Variants in FIG4 observed in about 807,000 individuals in gnomAD.
FIG4 encodes FIG4 phosphoinositide 5-phosphatase.
FIG4 carries 112 observed loss-of-function variants against 118.6 expected under a neutral mutation model. The observed-to-expected ratio is 0.94, with a 90% CI of 0.81 to 1.11. FIG4 has a LOEUF of 1.11. Ranked by LOEUF, FIG4 falls within the 50% of genes least tolerant of loss-of-function variation. FIG4 has a pLI of 0.00. For missense variants in FIG4, 969 were observed against 1,111.7 expected (o/e 0.87, Z 1.83); for synonymous variants, 369 against 381.2 (o/e 0.97, Z 0.37).
At chr6:109,784,167 A>T (rs1445785347) in intron 16 of FIG4, among the ~76,000 whole-genome samples, 2 of 152,142 alleles carry the variant, frequency 1.3e-5, no homozygotes, top group Non-Finnish European at 2.9e-5. Context: ...ATTTTTAAAA[A>T]ATTCTTCTCC....
At chr6:109,816,457 T>C (rs1210980377) in intron 22 of FIG4, among the ~76,000 whole-genome samples, 3 of 152,210 alleles carry the variant, frequency 2.0e-5, no homozygotes, top group African/African-American at 7.2e-5. Context: ...AATGGGATCC[T>C]GGGACAGTAA....
At chr6:109,801,336 T>C (rs909696404) in intron 22 of FIG4, among the ~76,000 whole-genome samples, 1 of 151,756 alleles carries the variant, frequency 6.6e-6, no homozygotes, top group East Asian at 1.9e-4. Context: ...TCACCTGAGG[T>C]TAGAAGTTCG....
At chr6:109,707,440 CATAT>C (rs964455745) in intron 1 of FIG4, among the ~76,000 whole-genome samples, 1 of 147,748 alleles carries the variant, frequency 6.8e-6, no homozygotes, top group Non-Finnish European at 1.5e-5. Flanking sequence ...CATATATATA[CATAT>C]ATATACACAT....
At chr6:109,707,121 GT>G (rs1775092443) in intron 1 of FIG4, among the ~76,000 whole-genome samples, 1 of 151,864 alleles carries the variant, frequency 6.6e-6, no homozygotes, top group East Asian at 1.9e-4. Flanking sequence ...ATAACTCATA[GT>G]GTCATCTAGA....
chr6:109,763,285 G>A (rs182105756), intron 12 of FIG4, among the ~76,000 whole-genome samples: 3 of 152,348 alleles, frequency 2.0e-5, no homozygotes, highest in Non-Finnish European at 4.4e-5. Context: ...CCAGACATTG[G>A]CCAAGGGCCA....
At chr6:109,759,592 A>G (rs567788664) in intron 10 of FIG4, among the ~76,000 whole-genome samples, 2 of 152,240 alleles carry the variant, frequency 1.3e-5, no homozygotes, top group East Asian at 3.9e-4. Context: ...CATTCCAACC[A>G]CAGAACTGTA....
intron 15 of FIG4, among the ~76,000 whole-genome samples, chr6:109,774,513 A>G (rs1308504430): frequency 6.6e-6 from 1 of 152,054 alleles, no homozygotes; most frequent in Non-Finnish European, 1.5e-5. Context: ...TAGGGCTTAA[A>G]ATATCTATCT....
At position 109,711,984 on chromosome 6, in the gene FIG4, T is replaced by A. The variant is rs551137513; in HGVS notation, c.67-3094T>A. On this transcript the variant is annotated intron_variant, in intron 1 of 22. Coordinates refer to ENST00000230124, the MANE Select transcript of FIG4 (RefSeq NM_014845.6). ...AACAAATTCCCACAGCATGTTTGTC[T>A]GAAAAGGATGTATTTCTCCTTTGCT... is the stretch of plus-strand genomic sequence containing the variant. 2.0e-5 allele frequency among the ~76,000 whole-genome samples: 3 copies of A among 152,352 alleles called. No individual in the cohort carries two copies. In the East Asian group the frequency reaches 5.8e-4, roughly 29 times the overall value.
intron 16 of FIG4, among the ~76,000 whole-genome samples, 185 bp from the exon 17 acceptor site, chr6:109,784,785 G>A (rs755493817): frequency 1.1e-4 from 16 of 152,186 alleles, no homozygotes; most frequent in Non-Finnish European, 2.1e-4. Context: ...AAGCAGTTGG[G>A]AAGGGAATTA....
chr6:109,740,057 T>C (rs887419222), intron 7 of FIG4, among the ~76,000 whole-genome samples: 1 of 152,186 alleles, frequency 6.6e-6, no homozygotes, highest in African/African-American at 2.4e-5. Context: ...TGATCATTAC[T>C]GCATAAAGAG....
At position 109,716,434 on chromosome 6, in the gene FIG4, C is replaced by A. The variant is rs200978101; in HGVS notation, c.166-11C>A. 1.9e-6 allele frequency: 3 copies of A among 1,612,876 alleles called. No individual in the cohort carries two copies. The highest frequency in any genetic ancestry group is 3.3e-5 in the Admixed American group (2 of 59,988). On this transcript the variant is annotated splice_polypyrimidine_tract_variant and intron_variant, in intron 2 of 22. Coordinates refer to ENST00000230124, the MANE Select transcript of FIG4 (RefSeq NM_014845.6). ...AGCACAACCTTACAGAGTAAATGTG[C>A]TTATTCTTAGCATGTCTATACTCAA...
chr6:109,751,886 G>A (rs1220064034), intron 10 of FIG4, among the ~76,000 whole-genome samples: 1 of 144,372 alleles, frequency 6.9e-6, no homozygotes, highest in Non-Finnish European at 1.5e-5. Flanking sequence ...TGTGCACAAT[G>A]TGCCGATTAG....
chr6:109,769,371 A>G (rs1583707462), intron 15 of FIG4, among the ~76,000 whole-genome samples: 1 of 152,202 alleles, frequency 6.6e-6, no homozygotes, highest in African/African-American at 2.4e-5. Context: ...AGGCAAAATT[A>G]TGCACAACTG....
At chr6:109,789,915 G>A (rs1778091150) in intron 19 of FIG4, among the ~76,000 whole-genome samples, 1 of 152,154 alleles carries the variant, frequency 6.6e-6, no homozygotes, top group Non-Finnish European at 1.5e-5. Context: ...CAGATATGAT[G>A]TCTTATAAAT....
intron 16 of FIG4, 119 bp from the exon 17 acceptor site, chr6:109,784,851 A>T (rs1777906394): frequency 1.9e-6 from 1 of 534,826 alleles, no homozygotes. Flanking sequence ...AAAAAGAAAA[A>T]TATTAACTTT....
At chr6:109,745,169 G>C (rs1776450621) in intron 10 of FIG4, among the ~76,000 whole-genome samples, 1 of 152,142 alleles carries the variant, frequency 6.6e-6, no homozygotes, top group Admixed American at 6.5e-5. Context: ...TAATGGGATT[G>C]CTGGGTCAAA....
At chr6:109,767,664 A>T (rs1777321089) in intron 15 of FIG4, among the ~76,000 whole-genome samples, 1 of 152,074 alleles carries the variant, frequency 6.6e-6, no homozygotes, top group African/African-American at 2.4e-5. Flanking sequence ...AGGTCAGGAG[A>T]TCAAGACCGT....
intron 1 of FIG4, among the ~76,000 whole-genome samples, chr6:109,697,889 A>T (rs2128377665): frequency 6.8e-6 from 1 of 146,376 alleles, no homozygotes; most frequent in East Asian, 2.0e-4. Context: ...CCATTGATCA[A>T]TTTTTTTTTT....
intron 19 of FIG4, among the ~76,000 whole-genome samples, chr6:109,790,117 A>T (rs1451950877): frequency 6.6e-6 from 1 of 152,210 alleles, no homozygotes; most frequent in Non-Finnish European, 1.5e-5. Flanking sequence ...GTAAAGAAGA[A>T]GATATACTGT....
Sources: gnomAD v4.1 joint callset for allele counts (sites outside exome capture counted in the v4.1 genomes callset) on GRCh38, gnomAD v4.1.1 for gene constraint, MANE v1.5 for transcripts, NCBI Gene and HGNC (gene_info 2026-07-23, HGNC 2026-07-21) for gene names.